CADM2: variants seen among roughly 807,000 people sequenced by gnomAD.
The protein encoded by CADM2 is cell adhesion molecule 2, also known as immunoglobulin superfamily member 4D.
In CADM2, 12 loss-of-function variants were observed where a neutral mutation model predicts 49.8. That is an observed-to-expected ratio of 0.24 (90% CI 0.15 to 0.39). CADM2 has a LOEUF of 0.39. Among genes scored for constraint, CADM2 ranks in the 10% least tolerant of loss-of-function variants. The pLI is 1.00. For missense variants in CADM2, 378 were observed against 492.3 expected, an observed-to-expected ratio of 0.77 and a Z score of 2.20; for synonymous variants, 214 against 175.4, an observed-to-expected ratio of 1.22 and a Z score of -1.74.
At chr3:85,720,607 G>T (rs2067466121) in intron 1 of CADM2, among the ~76,000 whole-genome samples, 1 of 152,124 alleles carries the variant, frequency 6.6e-6, no homozygotes, top group Admixed American at 6.5e-5. Flanking sequence ...AAAAACTAGT[G>T]AAATAAATTA....
At chr3:85,393,610 G>A (rs2034623338) in intron 1 of CADM2, among the ~76,000 whole-genome samples, 1 of 152,176 alleles carries the variant, frequency 6.6e-6, no homozygotes, top group Non-Finnish European at 1.5e-5. Context: ...CATGGAAGAG[G>A]TGGCATATTA....
chr3:85,024,721 A>C (rs893054594), intron 1 of CADM2, among the ~76,000 whole-genome samples: 1 of 151,580 alleles, frequency 6.6e-6, no homozygotes, highest in Non-Finnish European at 1.5e-5. Context: ...ACGTTAATTA[A>C]TTTATCCATT....
At chr3:85,803,945 C>T (rs2072235296) in intron 3 of CADM2, among the ~76,000 whole-genome samples, 2 of 152,034 alleles carry the variant, frequency 1.3e-5, no homozygotes, top group African/African-American at 4.8e-5. Flanking sequence ...CTGTCATGGA[C>T]AGTTAATACC....
intron 1 of CADM2, among the ~76,000 whole-genome samples, chr3:85,366,568 T>G (rs1174855184): frequency 6.6e-6 from 1 of 152,192 alleles, no homozygotes; most frequent in Non-Finnish European, 1.5e-5. Context: ...AGGAAAAATT[T>G]AACCACAGGG....
chr3:85,052,499 T>C (rs2035918326), intron 1 of CADM2, among the ~76,000 whole-genome samples: 1 of 152,068 alleles, frequency 6.6e-6, no homozygotes. Context: ...GCCACACGGG[T>C]TCATTTTCTT....
chr3:85,877,684 G>GC (rs1712096971), intron 3 of CADM2, among the ~76,000 whole-genome samples: 1 of 112,026 alleles, frequency 8.9e-6, no homozygotes, highest in Non-Finnish European at 1.8e-5. Flanking sequence ...TTTTTCTTCT[G>GC]TTTTTTTTTT....
At chr3:85,556,348 T>G (rs531013131) in intron 1 of CADM2, among the ~76,000 whole-genome samples, 48 of 152,248 alleles carry the variant, frequency 3.2e-4, no homozygotes, top group Non-Finnish European at 6.0e-4. Context: ...GTAGTCTTGC[T>G]GTCTCAAAGG....
intron 1 of CADM2, among the ~76,000 whole-genome samples, chr3:85,679,034 C>T (rs1050974476): frequency 5.3e-5 from 8 of 151,960 alleles, no homozygotes; most frequent in Non-Finnish European, 7.4e-5. Flanking sequence ...TGATGCATAG[C>T]GAATCAGACA....
intron 1 of CADM2, among the ~76,000 whole-genome samples, chr3:85,288,284 T>C (rs2043686424): frequency 6.6e-6 from 1 of 152,026 alleles, no homozygotes; most frequent in Admixed American, 6.6e-5. Context: ...GTATATGGAA[T>C]TATGAGTAGA....
chr3:85,011,609 G>A (rs976518768), intron 1 of CADM2, among the ~76,000 whole-genome samples: 9 of 152,276 alleles, frequency 5.9e-5, no homozygotes, highest in East Asian at 1.9e-4. Flanking sequence ...GTAGAATTTA[G>A]CAATCTTTTA....
chr3:85,945,343 A>G (rs1238887889), intron 7 of CADM2, among the ~76,000 whole-genome samples: 1 of 152,190 alleles, frequency 6.6e-6, no homozygotes, highest in Admixed American at 6.6e-5. Context: ...GAATTCTACC[A>G]GAGGTACAAG....
intron 1 of CADM2, among the ~76,000 whole-genome samples, chr3:85,115,426 T>C (rs912015090): frequency 6.6e-6 from 1 of 152,142 alleles, no homozygotes; most frequent in Non-Finnish European, 1.5e-5. Context: ...AAAGCAAGTA[T>C]GAGATGGGAG....
At chr3:85,582,457 G>A (rs2062826099) in intron 1 of CADM2, among the ~76,000 whole-genome samples, 1 of 152,142 alleles carries the variant, frequency 6.6e-6, no homozygotes, top group Non-Finnish European at 1.5e-5. Context: ...TACTGTCTTA[G>A]TTAGCGCAGG....
chr3:85,723,679 T>C (rs2067588193), intron 1 of CADM2, among the ~76,000 whole-genome samples: 1 of 152,082 alleles, frequency 6.6e-6, no homozygotes, highest in Non-Finnish European at 1.5e-5. Context: ...CTTCATACAA[T>C]GTTTGAGAAT....
intron 1 of CADM2, among the ~76,000 whole-genome samples, chr3:85,528,469 A>G (rs1420682791): frequency 1.3e-5 from 2 of 152,204 alleles, no homozygotes; most frequent in Non-Finnish European, 2.9e-5. Flanking sequence ...ACTCGACAAT[A>G]TTGTTTAACC....
intron 1 of CADM2, among the ~76,000 whole-genome samples, chr3:85,017,592 C>A (rs1459836466): frequency 6.6e-6 from 1 of 152,138 alleles, no homozygotes; most frequent in Non-Finnish European, 1.5e-5. Flanking sequence ...TCAATCTCAT[C>A]TTTTTCTTGT....
intron 8 of CADM2, among the ~76,000 whole-genome samples, chr3:86,036,041 T>C (rs1735112523): frequency 6.6e-6 from 1 of 152,104 alleles, no homozygotes; most frequent in Admixed American, 6.6e-5. Context: ...ATGATCTCAT[T>C]GCAACCTAAT....
chr3:85,246,841 C>G (rs559034614), intron 1 of CADM2, among the ~76,000 whole-genome samples: 1 of 152,072 alleles, frequency 6.6e-6, no homozygotes, highest in East Asian at 1.9e-4. Flanking sequence ...CCTTAGAGTT[C>G]TTGAATTTGT....
chr3:85,877,684 G>GTTTTTTTTTTTTTTTTTTTTTTTTT (rs368101272), intron 3 of CADM2, among the ~76,000 whole-genome samples: 2 of 112,026 alleles, frequency 1.8e-5, no homozygotes, highest in African/African-American at 3.3e-5. Flanking sequence ...TTTTTCTTCT[G>GTTTTTTTTTTTTTTTTTTTTTTTTT]TTTTTTTTTT....
Sources: allele counts gnomAD v4.1 joint callset (sites outside exome capture counted in the v4.1 genomes callset), GRCh38; gene constraint gnomAD v4.1.1; transcripts MANE v1.5; gene names NCBI Gene and HGNC (gene_info 2026-07-23, HGNC 2026-07-21).